ANO6: variants seen among roughly 807,000 people sequenced by gnomAD.
ANO6 encodes anoctamin 6.
Under a neutral mutation model 117.5 loss-of-function variants are expected in ANO6, and 106 were observed. That is an observed-to-expected ratio of 0.90 (90% CI 0.77 to 1.06). The LOEUF is 1.06. Ranked by LOEUF, ANO6 falls within the 50% of genes least tolerant of loss-of-function variation. The pLI, the probability that ANO6 is intolerant of heterozygous loss-of-function variation, is 0.00. For synonymous variants in ANO6, 367 were observed against 385.1 expected, an observed-to-expected ratio of 0.95 and a Z score of 0.55; for missense variants, 955 against 1,121.1, an observed-to-expected ratio of 0.85 and a Z score of 2.12.
At chr12:45,290,082 C>A (rs1353563474) in intron 1 of ANO6, among the ~76,000 whole-genome samples, 2 of 152,092 alleles carry the variant, frequency 1.3e-5, no homozygotes, top group East Asian at 3.9e-4. Context: ...TATTATCTGG[C>A]TGCAAAATAT....
intron 7 of ANO6, among the ~76,000 whole-genome samples, chr12:45,356,273 T>C (rs1224134553): frequency 6.6e-6 from 1 of 152,188 alleles, no homozygotes; most frequent in Non-Finnish European, 1.5e-5. Flanking sequence ...CCCTCTTTCA[T>C]TCTCACATGA....
chr12:45,402,977 TGTTTAAC>T (rs1942833433), intron 13 of ANO6, 88 bp from the exon 14 acceptor site: 3 of 1,132,426 alleles, frequency 2.6e-6, no homozygotes, highest in African/African-American at 3.9e-5. Context: ...TTTTTTAACG[TGTTTAAC>T]GTGTTAACTC....
chr12:45,381,153 A>G (rs1270136457), intron 10 of ANO6, among the ~76,000 whole-genome samples: 3 of 152,222 alleles, frequency 2.0e-5, no homozygotes, highest in Non-Finnish European at 4.4e-5. Flanking sequence ...ATATAACACC[A>G]TAACACTTTA....
At chr12:45,366,577 T>C (rs1471613609) in intron 8 of ANO6, among the ~76,000 whole-genome samples, 4 of 152,206 alleles carry the variant, frequency 2.6e-5, no homozygotes, top group African/African-American at 9.6e-5. Context: ...CTGACGTCTT[T>C]ATTTTCTTCT....
Position 45,430,198 on chromosome 12 carries a change from C to T in ANO6, c.*887C>T. ...CACATGATTAAAATTACATTTTTAT[C>T]AACATAATTGTCTGGAAAAGATAAG... On this transcript the variant is annotated 3_prime_UTR_variant, in exon 20 of 20. Transcript: ENST00000320560. 2 of 985,386 alleles carry T rather than the reference C, an allele frequency of 2.0e-6. No homozygotes were observed. The highest frequency in any genetic ancestry group is 2.4e-6 in the Non-Finnish European group (2 of 829,918). 61.0% of individuals were successfully genotyped at this position (985,386 alleles called of 1,614,324 possible).
intron 9 of ANO6, among the ~76,000 whole-genome samples, chr12:45,371,973 G>A (rs532077795): frequency 6.6e-6 from 1 of 151,982 alleles, no homozygotes; most frequent in Non-Finnish European, 1.5e-5. Flanking sequence ...AAAAAGTTTA[G>A]AAGAATGTAT....
intron 1 of ANO6, among the ~76,000 whole-genome samples, chr12:45,290,885 A>G (rs1489007428): frequency 6.6e-6 from 1 of 152,198 alleles, no homozygotes; most frequent in Non-Finnish European, 1.5e-5. Flanking sequence ...CTGATTTCAA[A>G]ACTTAATGAC....
chr12:45,299,715 G>A (rs1424739288), intron 1 of ANO6, among the ~76,000 whole-genome samples: 2 of 152,070 alleles, frequency 1.3e-5, no homozygotes, highest in Non-Finnish European at 2.9e-5. Flanking sequence ...CTAGCCAGGT[G>A]TAGTGGCACG....
intron 8 of ANO6, among the ~76,000 whole-genome samples, chr12:45,360,360 A>G (rs1288660630): frequency 6.6e-6 from 1 of 152,194 alleles, no homozygotes; most frequent in Non-Finnish European, 1.5e-5. Context: ...AGAAGGCATA[A>G]GGGCAAGTGG....
At chr12:45,248,592 C>T (rs1351093644) in intron 1 of ANO6, among the ~76,000 whole-genome samples, 1 of 151,832 alleles carries the variant, frequency 6.6e-6, no homozygotes, top group Non-Finnish European at 1.5e-5. Context: ...CGCCACCAAG[C>T]CCAGTTAATT....
chr12:45,432,379 G>A (rs1393984512), downstream of ANO6: 5 of 732,250 alleles, frequency 6.8e-6, no homozygotes, highest in African/African-American at 4.1e-5. Flanking sequence ...TTGTCTTAAC[G>A]TTTTTAAGGA....
intron 1 of ANO6, among the ~76,000 whole-genome samples, chr12:45,232,207 GATAAA>G (rs1181440408): frequency 1.2e-4 from 19 of 152,250 alleles, no homozygotes; most frequent in East Asian, 3.9e-4. Context: ...TCTAATAAGT[GATAAA>G]ATAAAAACTA....
downstream of ANO6, among the ~76,000 whole-genome samples, chr12:45,435,558 T>G (rs58337263): frequency 0.013 from 2,012 of 152,300 alleles, 38 homozygotes; most frequent in African/African-American, 0.046. Context: ...CCCTGCATAT[T>G]GTAAATGATG....
chr12:45,233,090 A>C (rs959556511), intron 1 of ANO6, among the ~76,000 whole-genome samples: 5 of 152,178 alleles, frequency 3.3e-5, no homozygotes, highest in Non-Finnish European at 7.3e-5. Flanking sequence ...TGGCTGTGGG[A>C]TGTGACTCAT....
At chr12:45,396,548 A>G (rs1942619820) in intron 12 of ANO6, among the ~76,000 whole-genome samples, 1 of 152,198 alleles carries the variant, frequency 6.6e-6, no homozygotes, top group African/African-American at 2.4e-5. Flanking sequence ...GCAAAAAGAA[A>G]AAAGCTGGAT....
At chr12:45,291,536 G>A (rs1350500037) in intron 1 of ANO6, among the ~76,000 whole-genome samples, 1 of 152,006 alleles carries the variant, frequency 6.6e-6, no homozygotes, top group African/African-American at 2.4e-5. Flanking sequence ...CAGAATGGGA[G>A]AAATATTTGG....
intron 2 of ANO6, among the ~76,000 whole-genome samples, chr12:45,308,729 G>A (rs890450859): frequency 1.3e-5 from 2 of 152,100 alleles, no homozygotes; most frequent in Non-Finnish European, 2.9e-5. Flanking sequence ...AGGATTTCTG[G>A]GCTGTGGCCA....
At chr12:45,382,232 G>A (rs1291247779) in intron 10 of ANO6, among the ~76,000 whole-genome samples, 1 of 152,118 alleles carries the variant, frequency 6.6e-6, no homozygotes, top group East Asian at 1.9e-4. Flanking sequence ...GAAAATGTCA[G>A]TTTAGTCTCC....
chr12:45,277,579 T>C (rs2137247079), intron 1 of ANO6, among the ~76,000 whole-genome samples: 1 of 152,388 alleles, frequency 6.6e-6, no homozygotes, highest in African/African-American at 2.4e-5. Flanking sequence ...TTTATTTTGA[T>C]GGAGCATATT....
Sources: gnomAD v4.1 joint callset for allele counts (sites outside exome capture counted in the v4.1 genomes callset) on GRCh38, gnomAD v4.1.1 for gene constraint, MANE v1.5 for transcripts, NCBI Gene and HGNC (gene_info 2026-07-23, HGNC 2026-07-21) for gene names.